The following RAB8B variants were observed in gnomAD, a reference collection of about 807,000 sequenced individuals.
RAB8B encodes ras-related protein Rab-8B.
Under a neutral mutation model 32.0 loss-of-function variants are expected in RAB8B, and 11 were observed. The ratio of observed to expected loss-of-function variants is 0.34; its 90% CI spans 0.22 to 0.57. RAB8B has a LOEUF of 0.57. Ranked by LOEUF, RAB8B falls within the 20% of genes least tolerant of loss-of-function variation. The probability of loss-of-function intolerance (pLI) is 0.86; values close to 1 mark genes in which losing one functional copy is unlikely to be tolerated. For synonymous variants in RAB8B, 103 were observed against 89.6 expected, an observed-to-expected ratio of 1.15 and a Z score of -0.85; for missense variants, 190 against 258.5, an observed-to-expected ratio of 0.73 and a Z score of 1.82.
Position 63,259,831 on chromosome 15 carries a change from G to A in RAB8B, c.480+139G>A. 1.4e-6 allele frequency: 1 copy of A among 729,022 alleles called. No homozygotes were observed. Among genetic ancestry groups the A allele is most frequent in the Non-Finnish European group, 2.2e-6 (1 of 450,068 alleles). 45.2% of individuals were successfully genotyped at this position (729,022 alleles called of 1,614,324 possible). A position where few individuals can be genotyped will look rare whatever the true frequency, so the allele number is the denominator to read the frequency against. ...ACCCAACTCTACTTTGTACACTTTT[G>A]TGCTTCTGATTTTTTTTTTTTTGAG... On this transcript the variant is annotated intron_variant, in intron 6 of 7. Transcript: ENST00000321437. This position sits in a 1 kb window ranked among gnomAD's most constrained non-coding sequence, Gnocchi z 4.4.
At chr15:63,247,698 A>G (rs1366864496) in intron 2 of RAB8B, among the ~76,000 whole-genome samples, 1 of 152,224 alleles carries the variant, frequency 6.6e-6, no homozygotes, top group Non-Finnish European at 1.5e-5. Flanking sequence ...GTAAAGTTAT[A>G]CATATTAGCT....
rs375004214 is a variant in RAB8B, at chr15:63,213,248, A to C, written c.124+23500A>C. Among the ~76,000 whole-genome samples the C allele has an allele frequency of 1.8e-4, 27 of 152,280 alleles. No individual in the cohort carries two copies. In the East Asian group the frequency reaches 2.1e-3, roughly 12 times the overall value. The stretch of plus-strand genomic sequence containing the variant: ...CCTTTCTGACTTCTTCCTTCAAATA[A>C]AATCTGATAAGGACAAATGTCTTCT... On this transcript the variant is annotated intron_variant, in intron 1 of 7. Transcript: ENST00000321437.
chr15:63,228,727 T>G (rs756564083), intron 1 of RAB8B, among the ~76,000 whole-genome samples: 1 of 152,240 alleles, frequency 6.6e-6, no homozygotes, highest in Non-Finnish European at 1.5e-5. Context: ...TGCCCTTTTT[T>G]TGTGCTTTTT....
intron 1 of RAB8B, among the ~76,000 whole-genome samples, chr15:63,215,563 C>G (rs1468718722): frequency 1.3e-5 from 2 of 152,154 alleles, no homozygotes; most frequent in Non-Finnish European, 2.9e-5. Flanking sequence ...AAGGAAAGTT[C>G]TTTCTAGTTT....
chr15:63,249,468 G>GGCC (rs1310438218), intron 2 of RAB8B, among the ~76,000 whole-genome samples, 177 bp from the exon 3 acceptor site: 3 of 152,080 alleles, frequency 2.0e-5, no homozygotes, highest in East Asian at 3.9e-4. Context: ...AGGCTCCTGT[G>GGCC]GCCACCACCA....
rs1468868435 is a variant in RAB8B, at chr15:63,248,971, T to TA, written c.186-673dup. 6.6e-6 allele frequency among the ~76,000 whole-genome samples: 1 copy of TA among 152,214 alleles called. No homozygotes were observed. The highest frequency in any genetic ancestry group is 1.9e-4 in the East Asian group (1 of 5,202). ...TTCTATAAATGAAATCAGAAACTCTTATATTTTTCAGAATGCATTTTAATG... is the reference window on the plus strand; with the variant it reads ...TTCTATAAATGAAATCAGAAACTCTTAATATTTTTCAGAATGCATTTTAATG... On this transcript the variant is annotated intron_variant, in intron 2 of 7. Transcript: ENST00000321437. This position sits in a 1 kb window ranked among gnomAD's most constrained non-coding sequence, Gnocchi z 4.4.
intron 3 of RAB8B, among the ~76,000 whole-genome samples, chr15:63,255,228 A>C (rs2038149964): frequency 6.6e-6 from 1 of 152,184 alleles, no homozygotes; most frequent in African/African-American, 2.4e-5. Flanking sequence ...TTATCATGTG[A>C]GGTCAGGTAG....
rs1203717417 is a variant in RAB8B at position 63,263,788 on chromosome 15, CA to C, written c.*173del. ...AGTGGATTCCAGCCTCATGGCCTAG[CA>C]AAAGAACAGACTCCCTTTTTCAAAC... On this transcript the variant is annotated 3_prime_UTR_variant, in exon 8 of 8. Coordinates refer to ENST00000321437, the MANE Select transcript of RAB8B (RefSeq NM_016530.3). The C allele has an allele frequency of 2.3e-5, 12 of 515,502 alleles. No homozygotes were observed. The allele number at this position is 515,502 out of a possible 1,614,324, so 31.9% of individuals were successfully genotyped here. A position where few individuals can be genotyped will look rare whatever the true frequency, so the allele number is the denominator to read the frequency against.
intron 1 of RAB8B, among the ~76,000 whole-genome samples, chr15:63,198,310 T>G (rs1731324818): frequency 6.6e-6 from 1 of 152,160 alleles, no homozygotes; most frequent in Non-Finnish European, 1.5e-5. Context: ...ACTTTGGTAT[T>G]TACCTGTTTA....
intron 1 of RAB8B, among the ~76,000 whole-genome samples, chr15:63,224,996 G>A (rs1434295258): frequency 6.6e-6 from 1 of 152,234 alleles, no homozygotes; most frequent in Non-Finnish European, 1.5e-5. Flanking sequence ...ACCTCTTAGA[G>A]CAGCAGGTTC....
chr15:63,231,369 T>C (rs2037935119), intron 1 of RAB8B, among the ~76,000 whole-genome samples: 1 of 152,234 alleles, frequency 6.6e-6, no homozygotes, highest in Non-Finnish European at 1.5e-5. Flanking sequence ...TCAGTTTCAC[T>C]GCATTTTTGG....
At chr15:63,255,259 C>G (rs1449091375) in intron 3 of RAB8B, among the ~76,000 whole-genome samples, 4 of 152,124 alleles carry the variant, frequency 2.6e-5, no homozygotes, top group Non-Finnish European at 4.4e-5. Context: ...TCACCTTTAC[C>G]ACGATCACTA....
chr15:63,201,201 T>G (rs2037646307), intron 1 of RAB8B, among the ~76,000 whole-genome samples: 1 of 152,186 alleles, frequency 6.6e-6, no homozygotes, highest in African/African-American at 2.4e-5. Context: ...GGGAAAGAGT[T>G]AATGAATACC....
intron 1 of RAB8B, among the ~76,000 whole-genome samples, chr15:63,210,448 T>C (rs1033885067): frequency 1.8e-4 from 27 of 152,226 alleles, no homozygotes; most frequent in African/African-American, 6.5e-4. Flanking sequence ...CTAAAATCTT[T>C]TGTTACTGAG....
intron 3 of RAB8B, chr15:63,251,197 C>G: frequency 2.3e-6 from 1 of 437,336 alleles, no homozygotes; most frequent in Non-Finnish European, 4.5e-6. Context: ...CAGCCACTTT[C>G]TATTTTGCTT....
rs1472014238 is a variant in RAB8B at position 63,251,069 on chromosome 15, G to C, written c.246+1364G>C. On this transcript the variant is annotated intron_variant, in intron 3 of 7. Transcript: ENST00000321437. ...AACTCATCCCCACAAAAAGATTAGG[G>C]ATTCCTTTTTAAGGCTGAAGTGTAC... Among the ~76,000 whole-genome samples the C allele has an allele frequency of 2.0e-5, 3 of 151,906 alleles. No homozygotes were observed. The East Asian group carries it at 5.8e-4, about 29-fold the overall frequency.
At chr15:63,225,608 A>G (rs1433108384) in intron 1 of RAB8B, among the ~76,000 whole-genome samples, 3 of 151,846 alleles carry the variant, frequency 2.0e-5, no homozygotes, top group Non-Finnish European at 4.4e-5. Flanking sequence ...GCTCCTGAAG[A>G]GCAAACCTTA....
intron 1 of RAB8B, among the ~76,000 whole-genome samples, chr15:63,227,246 C>G (rs911017192): frequency 2.0e-5 from 3 of 152,168 alleles, no homozygotes; most frequent in Admixed American, 1.3e-4. Flanking sequence ...TCACACGCCT[C>G]TGACATTTGC....
chr15:63,261,713 G>C (rs74410751), intron 6 of RAB8B, among the ~76,000 whole-genome samples: 1 of 152,142 alleles, frequency 6.6e-6, no homozygotes, highest in African/African-American at 2.4e-5. Context: ...AGTAGTTGTC[G>C]TATTGTTTTT....
Sources: gnomAD v4.1 joint callset for allele counts (sites outside exome capture counted in the v4.1 genomes callset) on GRCh38, gnomAD v4.1.1 for gene constraint, Gnocchi (gnomAD v3.1) non-coding constraint, MANE v1.5 for transcripts, NCBI Gene and HGNC (gene_info 2026-07-23, HGNC 2026-07-21) for gene names.